The following RFX4 variants were observed in gnomAD, a reference collection of about 807,000 sequenced individuals.
RFX4 encodes transcription factor RFX4.
A neutral mutation model predicts 95.0 loss-of-function variants in RFX4; 10 were observed. That is an observed-to-expected ratio of 0.11 (90% confidence interval 0.06 to 0.18). RFX4 has a LOEUF of 0.18. RFX4 is among the 10% of genes least tolerant of loss of function. RFX4 has a pLI of 1.00. For missense variants in RFX4, 640 were observed against 922.0 expected (o/e 0.69, Z 3.96); for synonymous variants, 321 against 340.7 (o/e 0.94, Z 0.64).
At chr12:106,595,460 A>G (rs1448078580) in intron 1 of RFX4, among the ~76,000 whole-genome samples, 1 of 152,096 alleles carries the variant, frequency 6.6e-6, no homozygotes. Context: ...TGGCCTTGAG[A>G]TGTGACTCTA....
At chr12:106,660,755 A>T (rs1044713467) in intron 4 of RFX4, among the ~76,000 whole-genome samples, 6 of 152,090 alleles carry the variant, frequency 3.9e-5, no homozygotes, top group South Asian at 2.1e-4. Context: ...GTGAGCGAGC[A>T]TTACCTCCTG....
chr12:106,584,392 G>A (rs982470115), intron 1 of RFX4, among the ~76,000 whole-genome samples: 1 of 152,178 alleles, frequency 6.6e-6, no homozygotes, highest in African/African-American at 2.4e-5. Flanking sequence ...ATTTCTTAGG[G>A]TGATGAGTTT....
chr12:106,601,419 G>A (rs558570616), intron 1 of RFX4: 3 of 1,448,878 alleles, frequency 2.1e-6, no homozygotes, highest in African/African-American at 1.4e-5. Context: ...GGCCAGGCCC[G>A]CCTTGGTAGC....
intron 4 of RFX4, among the ~76,000 whole-genome samples, chr12:106,664,296 C>G (rs756386828): frequency 3.3e-5 from 5 of 151,832 alleles, no homozygotes; most frequent in Non-Finnish European, 5.9e-5. Context: ...TCAAATCTTT[C>G]AAGAAACTAG....
chr12:106,745,167 A>C (rs1298088681), intron 15 of RFX4, among the ~76,000 whole-genome samples: 1 of 151,810 alleles, frequency 6.6e-6, no homozygotes, highest in South Asian at 2.1e-4. Context: ...TTTCATTCCC[A>C]CTTCCATTTT....
At chr12:106,641,613 T>G (rs2040623758) in intron 3 of RFX4, among the ~76,000 whole-genome samples, 1 of 152,114 alleles carries the variant, frequency 6.6e-6, no homozygotes, top group Non-Finnish European at 1.5e-5. Flanking sequence ...CCAGAAGAAA[T>G]TTCACCCTCC....
At chr12:106,705,930 G>A (rs941079316) in intron 8 of RFX4, among the ~76,000 whole-genome samples, 11 of 152,182 alleles carry the variant, frequency 7.2e-5, no homozygotes, top group Non-Finnish European at 1.5e-4. Flanking sequence ...CTGCATGAAG[G>A]GTACAGTGAG....
rs750168808 is a variant in RFX4, at chr12:106,747,410, T to C, written c.1634-27T>C. The C allele has an allele frequency of 4.4e-6, 7 of 1,608,748 alleles. No individual in the cohort carries two copies. The Admixed American group carries it at 1.2e-4, about 27-fold the overall frequency. On this transcript the variant is annotated intron_variant, in intron 15 of 17. Coordinates refer to ENST00000392842, the MANE Select transcript of RFX4 (RefSeq NM_213594.3). The stretch of plus-strand genomic sequence containing the variant: ...CAAGGGATATGAGAACTGTTAATGA[T>C]CAAGACGTCTTAATTTGTCTCTGCA...
chr12:106,589,621 A>G (rs1434258842), intron 1 of RFX4, among the ~76,000 whole-genome samples: 1 of 152,026 alleles, frequency 6.6e-6, no homozygotes, highest in Non-Finnish European at 1.5e-5. Context: ...ACTAGGCAAC[A>G]CTCATGCCCT....
chr12:106,652,471 G>A (rs1406127046), intron 3 of RFX4, among the ~76,000 whole-genome samples: 16 of 152,154 alleles, frequency 1.1e-4, no homozygotes, highest in African/African-American at 3.6e-4. Flanking sequence ...CAAGGAATAT[G>A]CTGGACCTCA....
At chr12:106,732,577 G>A (rs748887817) in intron 14 of RFX4, among the ~76,000 whole-genome samples, 13 of 152,228 alleles carry the variant, frequency 8.5e-5, no homozygotes, top group Non-Finnish European at 1.6e-4. Flanking sequence ...GTGCACAACT[G>A]TAGTCCCAGC....
At chr12:106,707,252 A>C (rs1044207883) in intron 8 of RFX4, among the ~76,000 whole-genome samples, 1 of 152,186 alleles carries the variant, frequency 6.6e-6, no homozygotes, top group Non-Finnish European at 1.5e-5. Flanking sequence ...CAAGAAAAGA[A>C]GCAGGTCCAA....
At chr12:106,662,875 A>G (rs553511539) in intron 4 of RFX4, among the ~76,000 whole-genome samples, 48 of 152,056 alleles carry the variant, frequency 3.2e-4, no homozygotes, top group African/African-American at 1.1e-3. Flanking sequence ...GACTATATTT[A>G]TGTGGGTCTG....
At chr12:106,676,427 C>T (rs188609764) in intron 4 of RFX4, among the ~76,000 whole-genome samples, 1 of 152,330 alleles carries the variant, frequency 6.6e-6, no homozygotes, top group Admixed American at 6.5e-5. Context: ...AAAAGAACCT[C>T]TGCTAAGTCA....
chr12:106,705,366 G>A (rs985951345), intron 8 of RFX4, among the ~76,000 whole-genome samples: 4 of 152,216 alleles, frequency 2.6e-5, no homozygotes, highest in Non-Finnish European at 2.9e-5. Context: ...GCAGCCAGCC[G>A]CACAAGAGGG....
chr12:106,671,983 A>G (rs1403837636), intron 4 of RFX4, among the ~76,000 whole-genome samples: 1 of 152,168 alleles, frequency 6.6e-6, no homozygotes, highest in African/African-American at 2.4e-5. Context: ...TTTCTAAGAC[A>G]AAATGTACTA....
chr12:106,646,985 T>G (rs2040760852), intron 3 of RFX4, among the ~76,000 whole-genome samples: 1 of 152,190 alleles, frequency 6.6e-6, no homozygotes, highest in South Asian at 2.1e-4. Context: ...TTTTTTTGTT[T>G]GTTTTATTTT....
intron 3 of RFX4, among the ~76,000 whole-genome samples, chr12:106,643,849 T>C (rs1221681416): frequency 3.9e-5 from 6 of 152,238 alleles, no homozygotes; most frequent in African/African-American, 1.4e-4. Flanking sequence ...TCCAGTCCAT[T>C]TCTCCTTGTA....
At chr12:106,730,269 G>C (rs149953833) in intron 13 of RFX4, among the ~76,000 whole-genome samples, 3 of 152,296 alleles carry the variant, frequency 2.0e-5, no homozygotes, top group Non-Finnish European at 4.4e-5. Flanking sequence ...TTTCACCAAG[G>C]AGTGCTCCAC....
Sources: gnomAD v4.1 joint callset for allele counts (sites outside exome capture counted in the v4.1 genomes callset) on GRCh38, gnomAD v4.1.1 for gene constraint, MANE v1.5 for transcripts, NCBI Gene and HGNC (gene_info 2026-07-23, HGNC 2026-07-21) for gene names.